The following LRP1B variants were observed in gnomAD, a reference collection of about 807,000 sequenced individuals.
LRP1B encodes the protein LDL receptor related protein 1B, also known as low-density lipoprotein receptor-related protein 1B.
Under a neutral mutation model 556.6 loss-of-function variants are expected in LRP1B, and 217 were observed. That is an observed-to-expected ratio of 0.39 (90% CI 0.35 to 0.44). LRP1B has a LOEUF of 0.44. Ranked by LOEUF, LRP1B falls within the 20% of genes least tolerant of loss-of-function variation. LRP1B has a pLI of 1.00. For missense variants in LRP1B, 5,053 were observed against 5,620.8 expected, an observed-to-expected ratio of 0.90 and a Z score of 3.23; for synonymous variants, 2,047 against 1,865.8, an observed-to-expected ratio of 1.10 and a Z score of -2.50.
At chr2:140,812,718 C>A (rs1325823664) in intron 32 of LRP1B, among the ~76,000 whole-genome samples, 1 of 151,752 alleles carries the variant, frequency 6.6e-6, no homozygotes, top group African/African-American at 2.4e-5. Flanking sequence ...AAAATGTATT[C>A]AAATGGGCTT....
At chr2:140,568,431 T>C (rs1243152748) in intron 43 of LRP1B, among the ~76,000 whole-genome samples, 1 of 151,938 alleles carries the variant, frequency 6.6e-6, no homozygotes, top group Non-Finnish European at 1.5e-5. Context: ...ATAATTATTC[T>C]GTCAGAGAAA....
chr2:141,175,345 G>A (rs1296136070), intron 7 of LRP1B, among the ~76,000 whole-genome samples: 1 of 152,102 alleles, frequency 6.6e-6, no homozygotes, highest in Admixed American at 6.5e-5. Flanking sequence ...AGGCCTTGAG[G>A]CCTATGAGAG....
intron 29 of LRP1B, among the ~76,000 whole-genome samples, chr2:140,849,839 C>T (rs1277178258): frequency 3.9e-5 from 6 of 151,976 alleles, no homozygotes; most frequent in Admixed American, 2.6e-4. Context: ...CGTGCCCAGC[C>T]GAGAAATCTA....
intron 7 of LRP1B, among the ~76,000 whole-genome samples, chr2:141,176,675 A>G (rs1680750532): frequency 6.6e-6 from 1 of 152,074 alleles, no homozygotes; most frequent in African/African-American, 2.4e-5. Context: ...TATGTTTTCA[A>G]AACAAACTTT....
At chr2:141,197,019 C>T (rs976303614) in intron 6 of LRP1B, among the ~76,000 whole-genome samples, 40 of 152,104 alleles carry the variant, frequency 2.6e-4, no homozygotes, top group African/African-American at 9.2e-4. Flanking sequence ...AAACCTCTTG[C>T]CTGCCACCAT....
chr2:141,543,904 G>C (rs1175875923), intron 2 of LRP1B, among the ~76,000 whole-genome samples: 1 of 152,058 alleles, frequency 6.6e-6, no homozygotes, highest in Non-Finnish European at 1.5e-5. Flanking sequence ...AAAATACACT[G>C]ATTCTCCTCA....
intron 41 of LRP1B, among the ~76,000 whole-genome samples, chr2:140,616,721 T>A (rs59882146): frequency 0.18 from 27,575 of 151,838 alleles, 3,127 homozygotes; most frequent in South Asian, 0.38. Context: ...TATCATTTTT[T>A]AAATATGCTG....
intron 85 of LRP1B, among the ~76,000 whole-genome samples, chr2:140,271,605 G>A (rs969022461): frequency 6.6e-6 from 1 of 151,938 alleles, no homozygotes; most frequent in African/African-American, 2.4e-5. Flanking sequence ...TTTCTGAAAA[G>A]CTTAGTTTGT....
intron 1 of LRP1B, among the ~76,000 whole-genome samples, chr2:141,982,415 A>AT (rs1037700344): frequency 1.4e-4 from 21 of 152,290 alleles, no homozygotes; most frequent in African/African-American, 5.1e-4. Flanking sequence ...AGCATTAGAG[A>AT]TTTTTTCCTG....
At chr2:140,305,531 A>T in intron 83 of LRP1B, among the ~76,000 whole-genome samples, 1 of 152,166 alleles carries the variant, frequency 6.6e-6, no homozygotes, top group East Asian at 1.9e-4. Flanking sequence ...GAAGTTGCTT[A>T]TTAGCTTAAG....
At chr2:140,921,980 C>T (rs956431017) in intron 21 of LRP1B, among the ~76,000 whole-genome samples, 7 of 151,930 alleles carry the variant, frequency 4.6e-5, no homozygotes, top group Non-Finnish European at 2.9e-5. Flanking sequence ...TCACTAAGAG[C>T]TCATGATTAA....
intron 47 of LRP1B, among the ~76,000 whole-genome samples, chr2:140,531,593 C>A (rs1690694914): frequency 6.6e-6 from 1 of 152,138 alleles, no homozygotes. Flanking sequence ...CCCTCTTCCT[C>A]AACTCTGCAT....
chr2:141,429,401 G>T (rs939047098), intron 3 of LRP1B, among the ~76,000 whole-genome samples: 6 of 152,116 alleles, frequency 3.9e-5, no homozygotes, highest in Admixed American at 3.9e-4. Context: ...ATTAGAGAAT[G>T]CATTTGACCA....
intron 1 of LRP1B, among the ~76,000 whole-genome samples, chr2:142,102,005 G>A (rs1706583444): frequency 6.6e-6 from 1 of 151,844 alleles, no homozygotes; most frequent in South Asian, 2.1e-4. Context: ...AACTCTGATA[G>A]TGCTTTATCG....
chr2:141,270,852 A>G (rs1317988489), intron 3 of LRP1B, among the ~76,000 whole-genome samples: 2 of 152,032 alleles, frequency 1.3e-5, no homozygotes, highest in Admixed American at 1.3e-4. Flanking sequence ...AAGATAAAAA[A>G]TTTCTGAAGA....
At chr2:141,788,224 A>C (rs1695489332) in intron 2 of LRP1B, among the ~76,000 whole-genome samples, 1 of 151,988 alleles carries the variant, frequency 6.6e-6, no homozygotes, top group South Asian at 2.1e-4. Flanking sequence ...TGAGCTACAC[A>C]CCGTCTGAAA....
In LRP1B at chr2:140,894,460, A is replaced by G. The variant is rs1330853402; in HGVS notation, c.3767-8125T>C. Among the ~76,000 whole-genome samples the G allele has an allele frequency of 4.6e-5, 7 of 152,142 alleles. No homozygotes were observed. The East Asian group carries it at 1.3e-3, about 29-fold the overall frequency. ...GAAACACTGTGAAGAAAAAAAATTA[A>G]GACATGGAGAGAGAAGGCAGCAAGG... On this transcript the variant is annotated intron_variant, in intron 23 of 90. Transcript: ENST00000389484.
At chr2:141,363,892 T>C (rs931236684) in intron 3 of LRP1B, among the ~76,000 whole-genome samples, 1 of 152,214 alleles carries the variant, frequency 6.6e-6, no homozygotes, top group African/African-American at 2.4e-5. Flanking sequence ...TGTTAAAACG[T>C]ATATTTATTC....
chr2:141,632,131 T>G (rs899406337), intron 2 of LRP1B, among the ~76,000 whole-genome samples: 4 of 152,000 alleles, frequency 2.6e-5, no homozygotes, highest in African/African-American at 9.7e-5. Context: ...GCCATGTTGC[T>G]CAGGCTGGGC....
Sources: gnomAD v4.1 joint callset for allele counts (sites outside exome capture counted in the v4.1 genomes callset) on GRCh38, gnomAD v4.1.1 for gene constraint, MANE v1.5 for transcripts, NCBI Gene and HGNC (gene_info 2026-07-23, HGNC 2026-07-21) for gene names.